The following KIAA0930 variants were observed in gnomAD, a reference collection of about 807,000 sequenced individuals.
The protein encoded by KIAA0930 is uncharacterized protein KIAA0930.
KIAA0930 carries 24 observed loss-of-function variants against 43.9 expected under a neutral mutation model. The ratio of observed to expected loss-of-function variants is 0.55; its 90% confidence interval spans 0.40 to 0.77. The LOEUF (loss-of-function observed/expected upper bound fraction) is 0.77. KIAA0930 is among the 30% of genes least tolerant of loss of function. The pLI is 0.00. For synonymous variants in KIAA0930, 259 were observed against 216.4 expected, an observed-to-expected ratio of 1.20 and a Z score of -1.73; for missense variants, 461 against 574.2, an observed-to-expected ratio of 0.80 and a Z score of 2.02.
chr22:45,228,040 G>A (rs111851257), intron 1 of KIAA0930, among the ~76,000 whole-genome samples: 4 of 152,194 alleles, frequency 2.6e-5, no homozygotes, highest in African/African-American at 7.2e-5. Context: ...TCCGTGGGCT[G>A]GCAGGAGGGA....
intron 1 of KIAA0930, chr22:45,213,586 G>A (rs2083713042): frequency 7.0e-6 from 5 of 713,878 alleles, no homozygotes; most frequent in Non-Finnish European, 7.4e-6. Flanking sequence ...ACAGACCCTT[G>A]CAAAATTAAG....
At chr22:45,225,910 T>C (rs2083796901) in intron 1 of KIAA0930, among the ~76,000 whole-genome samples, 1 of 152,222 alleles carries the variant, frequency 6.6e-6, no homozygotes, top group Non-Finnish European at 1.5e-5. Flanking sequence ...TGGTCTGCAG[T>C]CAGGCCTGTC....
At chr22:45,217,346 G>T (rs2083739661) in intron 1 of KIAA0930, among the ~76,000 whole-genome samples, 2 of 107,330 alleles carry the variant, frequency 1.9e-5, no homozygotes, top group Admixed American at 2.9e-4. Flanking sequence ...GGGAGACAGA[G>T]CAAGACCCCG....
intron 8 of KIAA0930, 61 bp from the exon 9 acceptor site, chr22:45,198,009 A>C: frequency 6.4e-7 from 1 of 1,562,362 alleles, no homozygotes; most frequent in Non-Finnish European, 8.8e-7. Flanking sequence ...GAGCAGCAGG[A>C]GGCCAGCTCC....
intron 7 of KIAA0930, chr22:45,201,131 C>T (rs917834061): frequency 2.3e-6 from 1 of 438,564 alleles, no homozygotes; most frequent in Non-Finnish European, 4.6e-6. Context: ...AGCTGCTGGG[C>T]TCCAGACGGT....
chr22:45,206,333 C>T (rs1164550660), intron 2 of KIAA0930, among the ~76,000 whole-genome samples: 1 of 152,102 alleles, frequency 6.6e-6, no homozygotes, highest in African/African-American at 2.4e-5. Flanking sequence ...CCAATTCTTG[C>T]TCCCCAGTTC....
At chr22:45,223,831 C>A (rs1344749396) in intron 1 of KIAA0930, among the ~76,000 whole-genome samples, 9 of 149,450 alleles carry the variant, frequency 6.0e-5, no homozygotes, top group Non-Finnish European at 1.3e-4. Context: ...AGATGAGCAC[C>A]CAGGATCAGC....
intron 8 of KIAA0930, chr22:45,198,149 G>C: frequency 1.7e-6 from 1 of 581,178 alleles, no homozygotes; most frequent in East Asian, 2.8e-5. Flanking sequence ...CTCTGGCCCA[G>C]ACCCAGGCCT....
chr22:45,233,922 C>T (rs903352658), intron 1 of KIAA0930, among the ~76,000 whole-genome samples: 12 of 152,224 alleles, frequency 7.9e-5, no homozygotes, highest in African/African-American at 2.9e-4. Flanking sequence ...TCCAGAGGGA[C>T]AAGGGCCTCC....
At chr22:45,220,223 C>T (rs932461058) in intron 1 of KIAA0930, among the ~76,000 whole-genome samples, 7 of 152,102 alleles carry the variant, frequency 4.6e-5, no homozygotes, top group East Asian at 1.9e-4. Context: ...GAGGCCGAGG[C>T]AGGAGGATTA....
At chr22:45,205,169 T>A in intron 5 of KIAA0930, 48 bp downstream of exon 5, 1 of 1,464,416 alleles carries the variant, frequency 6.8e-7, no homozygotes, top group Non-Finnish European at 9.6e-7. Context: ...CTAACACCCA[T>A]CTCACGAGAA....
At chr22:45,198,975 C>T (rs2083561677) in intron 8 of KIAA0930, among the ~76,000 whole-genome samples, 1 of 152,202 alleles carries the variant, frequency 6.6e-6, no homozygotes, top group Non-Finnish European at 1.5e-5. Context: ...ATACACTCAA[C>T]AGACACGCAC....
intron 1 of KIAA0930, among the ~76,000 whole-genome samples, chr22:45,227,232 T>A (rs1364703342): frequency 6.6e-6 from 1 of 152,206 alleles, no homozygotes; most frequent in Non-Finnish European, 1.5e-5. Context: ...TGGGCCCTTC[T>A]GCGGCTCTGC....
In KIAA0930 at chr22:45,196,918, G is replaced by A; in HGVS notation, c.*258C>T. On this transcript the variant is annotated 3_prime_UTR_variant, in exon 10 of 10. Coordinates refer to ENST00000336156, the MANE Select transcript of KIAA0930 (RefSeq NM_001009880.2). This position sits in a 1 kb window ranked among gnomAD's most constrained non-coding sequence, Gnocchi z 4.1. Reference sequence around the variant, plus strand: ...ATCTCTAGTCCTCTTTGGGTGCAGAGGGCTCTCCAGAGATGGGTGGGGGGC... The same window carrying A: ...ATCTCTAGTCCTCTTTGGGTGCAGAAGGCTCTCCAGAGATGGGTGGGGGGC... The A allele has an allele frequency of 4.3e-6, 2 of 463,688 alleles. No individual in the cohort carries two copies. The highest frequency in any genetic ancestry group is 7.6e-6 in the Non-Finnish European group (2 of 262,280). The allele number at this position is 463,688 out of a possible 1,614,324, so 28.7% of individuals were successfully genotyped here.
chr22:45,211,087 G>A (rs1036658025), intron 2 of KIAA0930, among the ~76,000 whole-genome samples: 5 of 152,082 alleles, frequency 3.3e-5, no homozygotes, highest in African/African-American at 7.2e-5. Context: ...AATCCATCCC[G>A]CGTGTGTTCA....
At chr22:45,207,200 G>A (rs1398600764) in intron 2 of KIAA0930, among the ~76,000 whole-genome samples, 3 of 118,270 alleles carry the variant, frequency 2.5e-5, no homozygotes, top group African/African-American at 9.7e-5. Flanking sequence ...TAATAGAGAG[G>A]GGGTTTCACC....
rs566386238 is a variant in KIAA0930, at chr22:45,216,359, G to C, written c.65-4252C>G. On this transcript the variant is annotated intron_variant, in intron 1 of 9. Coordinates refer to ENST00000336156, the MANE Select transcript of KIAA0930 (RefSeq NM_001009880.2). ...CCAAGGTGAGGACTTGGCTGAAAGT[G>C]AAAGTGCTCTGCTGGCTGCACGGCT... Among the ~76,000 whole-genome samples, 7 of 152,290 alleles carry C rather than the reference G, an allele frequency of 4.6e-5. No individual in the cohort carries two copies. The South Asian group carries it at 1.5e-3, about 32-fold the overall frequency.
At position 45,202,993 on chromosome 22, in the gene KIAA0930, C is replaced by T. The variant is rs2083602959; in HGVS notation, c.849G>A (p.Glu283=). ...EDSSPASPMH[E]RVTSFSTPPT... ...CCCCCAGCTGTGCAGCCCTTACCCG[C>T]TCGTGCATGGGCGAAGCTGGGCTGG... The change falls in exon 7 of 10, where the codon GAG becomes GAA. Residue 283 remains glutamate, a synonymous_variant. Transcript: ENST00000336156. 6.2e-7 allele frequency: 1 copy of T among 1,606,276 alleles called. No individual in the cohort carries two copies. The highest frequency in any genetic ancestry group is 8.5e-7 in the Non-Finnish European group (1 of 1,176,164).
chr22:45,205,169 T>G, intron 5 of KIAA0930, 48 bp downstream of exon 5: 1 of 1,464,416 alleles, frequency 6.8e-7, no homozygotes, highest in Non-Finnish European at 9.6e-7. Flanking sequence ...CTAACACCCA[T>G]CTCACGAGAA....
Sources: allele counts gnomAD v4.1 joint callset (sites outside exome capture counted in the v4.1 genomes callset), GRCh38; gene constraint gnomAD v4.1.1; non-coding constraint Gnocchi (gnomAD v3.1); transcripts MANE v1.5; gene names NCBI Gene and HGNC (gene_info 2026-07-23, HGNC 2026-07-21).